The following RGPD2 variants were observed in gnomAD, a reference collection of about 807,000 sequenced individuals.
RGPD2 encodes RANBP2-like and GRIP domain-containing protein 2.
RGPD2 carries 2 observed loss-of-function variants against 36.0 expected under a neutral mutation model. The ratio of observed to expected loss-of-function variants is 0.06; its 90% CI spans 0.02 to 0.17. The LOEUF (loss-of-function observed/expected upper bound fraction) is 0.17. Among genes scored for constraint, RGPD2 ranks in the 10% least tolerant of loss-of-function variants. The pLI, the probability that RGPD2 is intolerant of heterozygous loss-of-function variation, is 1.00. For synonymous variants in RGPD2, 19 were observed against 163.8 expected, an observed-to-expected ratio of 0.12 and a Z score of 6.75; for missense variants, 40 against 464.3, an observed-to-expected ratio of 0.09 and a Z score of 8.40.
intron 7 of RGPD2, among the ~76,000 whole-genome samples, chr2:87,806,094 TG>T (rs1322227519): frequency 6.7e-6 from 1 of 149,238 alleles, no homozygotes; most frequent in African/African-American, 2.5e-5. Context: ...ACCCAGGAGG[TG>T]GAGGCTGCAG....
the RGPD2 span, among the ~76,000 whole-genome samples, chr2:87,927,718 A>G: frequency 1.3e-5 from 2 of 151,568 alleles, no homozygotes; most frequent in African/African-American, 4.8e-5. Context: ...TTTGGAAAAA[A>G]AAAATGGAAA....
Position 87,822,127 on chromosome 2 carries a change from G to A in RGPD2, c.73-3504C>T, listed in dbSNP as rs1247403469. 9.9e-5 allele frequency among the ~76,000 whole-genome samples: 15 copies of A among 152,264 alleles called. 1 individual carries two copies. The South Asian group carries it at 1.2e-3, about 13-fold the overall frequency. On this transcript the variant is annotated intron_variant, in intron 1 of 22. Coordinates refer to ENST00000398146, the MANE Select transcript of RGPD2 (RefSeq NM_001078170.3). ...TGGAGTCCCAACAAGGGTGAAGGCCGTGATTATACAGGACAATGAGGAAAA... is the reference window on the plus strand; with the variant it reads ...TGGAGTCCCAACAAGGGTGAAGGCCATGATTATACAGGACAATGAGGAAAA...
the RGPD2 span, among the ~76,000 whole-genome samples, chr2:87,913,523 C>A: frequency 6.7e-6 from 1 of 150,232 alleles, no homozygotes; most frequent in Non-Finnish European, 1.5e-5. Flanking sequence ...TGCACATGTA[C>A]CCTAAAACTT....
At chr2:87,922,239 A>G in the RGPD2 span, among the ~76,000 whole-genome samples, 1 of 145,686 alleles carries the variant, frequency 6.9e-6, no homozygotes, top group Admixed American at 7.0e-5. Context: ...GTTTCAGTGA[A>G]CCAAGATCGA....
the RGPD2 span, among the ~76,000 whole-genome samples, chr2:87,969,972 T>C: frequency 1.3e-5 from 2 of 150,864 alleles, no homozygotes; most frequent in Non-Finnish European, 2.9e-5. Context: ...TAATGAAAAA[T>C]ACAAAGCAGA....
the RGPD2 span, among the ~76,000 whole-genome samples, chr2:87,972,079 A>G: frequency 3.3e-5 from 5 of 152,094 alleles, no homozygotes; most frequent in Admixed American, 2.6e-4. Context: ...ATAGGACTAA[A>G]TTTAAGATAC....
chr2:87,988,472 T>G, the RGPD2 span, among the ~76,000 whole-genome samples: 2 of 125,944 alleles, frequency 1.6e-5, no homozygotes, highest in Non-Finnish European at 3.4e-5. Flanking sequence ...TCGCTTAGGC[T>G]TCCAGTTTCC....
chr2:87,877,804 C>CAAAAAAAAAA, the RGPD2 span, among the ~76,000 whole-genome samples: 1,129 of 84,532 alleles, frequency 0.013, 9 homozygotes, highest in Non-Finnish European at 0.019. Flanking sequence ...GACTCCGTCT[C>CAAAAAAAAAA]AAAAAAAAAA....
chr2:87,825,302 C>T (rs374448391), intron 1 of RGPD2, among the ~76,000 whole-genome samples: 3,835 of 151,686 alleles, frequency 0.025, 73 homozygotes, highest in Middle Eastern at 0.056. Context: ...AAAGGGCGAA[C>T]CTGATCTCTT....
the RGPD2 span, among the ~76,000 whole-genome samples, chr2:87,933,708 T>C: frequency 6.7e-6 from 1 of 150,060 alleles, no homozygotes; most frequent in Non-Finnish European, 1.5e-5. Context: ...CTTTGTCTTT[T>C]CTGCTATTAC....
chr2:87,985,188 C>CA, the RGPD2 span, among the ~76,000 whole-genome samples: 2 of 144,978 alleles, frequency 1.4e-5, no homozygotes, highest in Admixed American at 1.4e-4. Context: ...GAGGTAAGGC[C>CA]TTATACCATT....
At chr2:87,761,252 GC>G (rs1174992352) in intron 22 of RGPD2, among the ~76,000 whole-genome samples, 1 of 7,434 alleles carries the variant, frequency 1.3e-4, no homozygotes, top group Non-Finnish European at 3.3e-4. Flanking sequence ...TTACATTAGA[GC>G]CCCTAGCATG....
At chr2:87,968,593 G>C in the RGPD2 span, 3 of 148,512 alleles carry the variant, frequency 2.0e-5, no homozygotes, top group African/African-American at 7.6e-5. Flanking sequence ...AGTGAGTTGT[G>C]CACTGGGTCG....
chr2:87,878,887 C>T, the RGPD2 span, among the ~76,000 whole-genome samples: 1 of 152,194 alleles, frequency 6.6e-6, no homozygotes, highest in Non-Finnish European at 1.5e-5. Context: ...ATTCATGTTG[C>T]AAATTAGAGA....
the RGPD2 span, among the ~76,000 whole-genome samples, chr2:87,937,715 A>ACAAACGT: frequency 6.6e-6 from 1 of 151,962 alleles, no homozygotes; most frequent in Non-Finnish European, 1.5e-5. Flanking sequence ...TTTGGAGGGG[A>ACAAACGT]CAAACGTCCA....
chr2:87,861,217 C>G, the RGPD2 span, among the ~76,000 whole-genome samples: 139 of 146,664 alleles, frequency 9.5e-4, 1 homozygote, highest in Middle Eastern at 0.026. Flanking sequence ...TAAGGTTTCT[C>G]TTTATTATAG....
chr2:87,856,631 C>G, the RGPD2 span, among the ~76,000 whole-genome samples: 3,042 of 148,932 alleles, frequency 0.02, no homozygotes, highest in Non-Finnish European at 0.031. Flanking sequence ...TATGAGGTCA[C>G]TAGTGCAGCC....
At chr2:87,878,847 T>C in the RGPD2 span, among the ~76,000 whole-genome samples, 1 of 152,284 alleles carries the variant, frequency 6.6e-6, no homozygotes, top group African/African-American at 2.4e-5. Context: ...TGTCTCTTTG[T>C]GGCCGGCTTA....
the RGPD2 span, among the ~76,000 whole-genome samples, chr2:87,963,106 ACT>A: frequency 3.6e-4 from 54 of 150,108 alleles, no homozygotes; most frequent in Non-Finnish European, 5.4e-4. Context: ...GACAGAGCAG[ACT>A]CTGTCTCAAA....
Sources: gnomAD v4.1 joint callset for allele counts (sites outside exome capture counted in the v4.1 genomes callset) on GRCh38, gnomAD v4.1.1 for gene constraint, MANE v1.5 for transcripts, NCBI Gene and HGNC (gene_info 2026-07-23, HGNC 2026-07-21) for gene names.